The following GFRAL variants were observed in gnomAD, a reference collection of about 807,000 sequenced individuals.
The protein encoded by GFRAL is GDNF family receptor alpha-like.
GFRAL carries 36 observed loss-of-function variants against 45.4 expected under a neutral mutation model. That is an observed-to-expected ratio of 0.79 (90% confidence interval 0.61 to 1.05). The LOEUF is 1.05. Ranked by LOEUF, GFRAL falls within the 50% of genes least tolerant of loss-of-function variation. The pLI is 0.00. For synonymous variants in GFRAL, 166 were observed against 154.1 expected (o/e 1.08, Z -0.57); for missense variants, 507 against 467.5 (o/e 1.08, Z -0.78).
At chr6:55,399,524 A>T (rs758604772) in intron 8 of GFRAL, 83 bp downstream of exon 8, 170 of 892,872 alleles carry the variant, frequency 1.9e-4, no homozygotes, top group Non-Finnish European at 8.3e-5. Context: ...GGCTGAGCTT[A>T]CAAAGAGCCT....
At chr6:55,397,512 G>A (rs1187194622) in intron 6 of GFRAL, among the ~76,000 whole-genome samples, 5 of 92,736 alleles carry the variant, frequency 5.4e-5, no homozygotes, top group Admixed American at 3.5e-4. Flanking sequence ...GCGACAGAGC[G>A]AGACTCCGTC....
At chr6:55,378,937 C>T (rs146709028) in intron 6 of GFRAL, among the ~76,000 whole-genome samples, 1,890 of 151,936 alleles carry the variant, frequency 0.012, 14 homozygotes, top group Middle Eastern at 0.027. Flanking sequence ...TTAACAGATC[C>T]GATAATATCC....
At chr6:55,334,416 G>A (rs912342303) in intron 3 of GFRAL, among the ~76,000 whole-genome samples, 1 of 152,096 alleles carries the variant, frequency 6.6e-6, no homozygotes, top group Non-Finnish European at 1.5e-5. Flanking sequence ...CTTTGCATAG[G>A]GACATTTAAT....
intron 6 of GFRAL, among the ~76,000 whole-genome samples, chr6:55,372,778 G>A (rs1449091247): frequency 1.3e-5 from 2 of 152,132 alleles, no homozygotes; most frequent in Non-Finnish European, 2.9e-5. Context: ...AATTGTAATT[G>A]TTAATCAACA....
intron 4 of GFRAL, among the ~76,000 whole-genome samples, chr6:55,350,925 A>G (rs1484823091): frequency 6.6e-6 from 1 of 152,144 alleles, no homozygotes; most frequent in South Asian, 2.1e-4. Context: ...TAAGCTACAT[A>G]GTTCAAATGC....
At chr6:55,362,244 G>C (rs62419076) in intron 6 of GFRAL, among the ~76,000 whole-genome samples, 3 of 149,738 alleles carry the variant, frequency 2.0e-5, no homozygotes, top group African/African-American at 7.4e-5. Context: ...CTTGGAGCCC[G>C]CTATGTTCTC....
chr6:55,381,097 G>A (rs1019101815), intron 6 of GFRAL, among the ~76,000 whole-genome samples: 1 of 151,830 alleles, frequency 6.6e-6, no homozygotes. Context: ...CTTCAGTGGT[G>A]TCATCATTGC....
At chr6:55,350,791 A>G (rs536120604) in intron 4 of GFRAL, among the ~76,000 whole-genome samples, 1 of 152,286 alleles carries the variant, frequency 6.6e-6, no homozygotes, top group East Asian at 1.9e-4. Context: ...ATACTTGTGT[A>G]TCTGTAGGAG....
chr6:55,334,833 C>A (rs1581898413), intron 3 of GFRAL, among the ~76,000 whole-genome samples: 1 of 152,086 alleles, frequency 6.6e-6, no homozygotes. Flanking sequence ...TAACATAATA[C>A]ATTAGAGATT....
chr6:55,402,005 T>A lies in GFRAL; in HGVS notation c.*152T>A. ...TTCTTTTCTTTTTTGTGGCGGAGTT[T>A]TGCTCTTGTTGCCCAGGCTGCAGTA... On this transcript the variant is annotated 3_prime_UTR_variant, in exon 9 of 9. Transcript: ENST00000340465. The A allele has an allele frequency of 1.8e-6, 1 of 550,310 alleles. No individual in the cohort carries two copies. Among genetic ancestry groups the A allele is most frequent in the Non-Finnish European group, 3.1e-6 (1 of 317,748 alleles). The allele number at this position is 550,310 out of a possible 1,614,324, so 34.1% of individuals were successfully genotyped here.
At chr6:55,340,348 A>C (rs7756270) in intron 3 of GFRAL, among the ~76,000 whole-genome samples, 75,791 of 151,978 alleles carry the variant, frequency 0.5, 20,464 homozygotes, top group Non-Finnish European at 0.63. Context: ...TATTTCTTTT[A>C]AAAAATATGC....
intron 6 of GFRAL, among the ~76,000 whole-genome samples, chr6:55,369,466 C>T (rs553380816): frequency 6.6e-6 from 1 of 152,236 alleles, no homozygotes; most frequent in East Asian, 1.9e-4. Flanking sequence ...TTGGCTCCTC[C>T]CTGCTTAATT....
chr6:55,383,342 A>G (rs779692987), intron 6 of GFRAL, among the ~76,000 whole-genome samples: 1 of 152,068 alleles, frequency 6.6e-6, no homozygotes, highest in Non-Finnish European at 1.5e-5. Flanking sequence ...CCAATCTCAT[A>G]TACAATTATG....
chr6:55,345,321 G>A (rs1768024309), intron 3 of GFRAL, among the ~76,000 whole-genome samples: 1 of 152,140 alleles, frequency 6.6e-6, no homozygotes, highest in Non-Finnish European at 1.5e-5. Context: ...AACCAAAACA[G>A]CATGGTACTG....
intron 6 of GFRAL, among the ~76,000 whole-genome samples, chr6:55,388,366 C>T (rs1278742556): frequency 6.6e-6 from 1 of 152,172 alleles, no homozygotes; most frequent in African/African-American, 2.4e-5. Flanking sequence ...GAGGGCGACT[C>T]ATCTTAGTGA....
At position 55,340,734 on chromosome 6, in the gene GFRAL, A is replaced by G. The variant is rs374406393; in HGVS notation, c.316+6790A>G. On this transcript the variant is annotated intron_variant, in intron 3 of 8. Coordinates refer to ENST00000340465, the MANE Select transcript of GFRAL (RefSeq NM_207410.2). ...CTGAAGCAGGGTGAGGCATTGCCTC[A>G]CCCGGGAAGCACAAGGGGTCAGGGA... Among the ~76,000 whole-genome samples the G allele has an allele frequency of 3.6e-4, 55 of 152,076 alleles. No individual in the cohort carries two copies. The East Asian group carries it at 6.8e-3, about 19-fold the overall frequency.
intron 6 of GFRAL, among the ~76,000 whole-genome samples, chr6:55,387,745 T>G (rs1768697878): frequency 6.6e-6 from 1 of 152,190 alleles, no homozygotes; most frequent in Non-Finnish European, 1.5e-5. Flanking sequence ...GTTCTTTTCA[T>G]GGGTCCAAGA....
In GFRAL at chr6:55,358,930, G is replaced by T; in HGVS notation, c.744G>T (p.Val248=). The T allele has an allele frequency of 6.2e-7, 1 of 1,612,686 alleles. No homozygotes were observed. The highest frequency in any genetic ancestry group is 8.5e-7 in the Non-Finnish European group (1 of 1,179,076). ...TTCAGTCAAAATGCTGGCAGCGTGT[G>T]ACTAGAAAGTGCCATGAAGATGAGA... ...RTFQSKCWQR[V]TRKCHEDENC... The change falls in exon 6 of 9, where the codon GTG becomes GTT. Residue 248 remains valine (V), a synonymous_variant. Coordinates refer to ENST00000340465, the MANE Select transcript of GFRAL (RefSeq NM_207410.2).
intron 3 of GFRAL, among the ~76,000 whole-genome samples, chr6:55,338,733 T>C (rs1435279871): frequency 1.3e-5 from 2 of 152,114 alleles, no homozygotes; most frequent in Admixed American, 1.3e-4. Flanking sequence ...AGAAACAGAA[T>C]GAAGTGGGGA....
Sources: allele counts gnomAD v4.1 joint callset (sites outside exome capture counted in the v4.1 genomes callset), GRCh38; gene constraint gnomAD v4.1.1; transcripts MANE v1.5; gene names NCBI Gene and HGNC (gene_info 2026-07-23, HGNC 2026-07-21).